The following DLGAP1 variants were observed in gnomAD, a reference collection of about 807,000 sequenced individuals.
DLGAP1 encodes DLG associated protein 1.
In DLGAP1, 11 loss-of-function variants were observed where a neutral mutation model predicts 90.8. The ratio of observed to expected loss-of-function variants is 0.12; its 90% CI spans 0.08 to 0.20. The LOEUF is 0.20. DLGAP1 is among the 10% of genes least tolerant of loss of function. DLGAP1 has a pLI of 1.00. For missense variants in DLGAP1, 1,050 were observed against 1,333.8 expected (o/e 0.79, Z 3.31); for synonymous variants, 558 against 540.7 (o/e 1.03, Z -0.44).
chr18:3,789,410 T>C (rs1292259881), intron 5 of DLGAP1, among the ~76,000 whole-genome samples: 1 of 152,128 alleles, frequency 6.6e-6, no homozygotes, highest in Non-Finnish European at 1.5e-5. Flanking sequence ...GATGTGGAGC[T>C]CAGACGGAAG....
intron 3 of DLGAP1, among the ~76,000 whole-genome samples, chr18:3,951,180 A>G (rs2072978204): frequency 6.6e-6 from 1 of 152,224 alleles, no homozygotes; most frequent in Non-Finnish European, 1.5e-5. Flanking sequence ...TTAAGCATTA[A>G]CATTCTAACC....
intron 7 of DLGAP1, among the ~76,000 whole-genome samples, chr18:3,635,528 T>C (rs1284387796): frequency 6.6e-6 from 1 of 151,470 alleles, no homozygotes; most frequent in Non-Finnish European, 1.5e-5. Context: ...TGTGGTGACC[T>C]CTACTGTGAC....
chr18:4,109,346 A>T (rs753042781), intron 2 of DLGAP1, among the ~76,000 whole-genome samples: 1 of 152,084 alleles, frequency 6.6e-6, no homozygotes, highest in Non-Finnish European at 1.5e-5. Flanking sequence ...TAAGGGAGTG[A>T]TATCTCCTCA....
At chr18:4,017,743 G>A (rs2074545771) in intron 2 of DLGAP1, among the ~76,000 whole-genome samples, 1 of 152,200 alleles carries the variant, frequency 6.6e-6, no homozygotes, top group Admixed American at 6.5e-5. Context: ...TAGTTCATTT[G>A]CATAATACAA....
intron 1 of DLGAP1, among the ~76,000 whole-genome samples, chr18:4,227,681 T>C (rs946814539): frequency 2.0e-5 from 3 of 151,258 alleles, no homozygotes; most frequent in Admixed American, 1.3e-4. Flanking sequence ...ACAAAACCTA[T>C]GGGATACAGC....
chr18:4,391,890 C>T (rs938304670), intron 1 of DLGAP1, among the ~76,000 whole-genome samples: 4 of 152,116 alleles, frequency 2.6e-5, no homozygotes, highest in East Asian at 1.9e-4. Flanking sequence ...GCTTTGATAC[C>T]GTACCCTCTT....
At chr18:4,112,524 T>C (rs1479264499) in intron 2 of DLGAP1, among the ~76,000 whole-genome samples, 1 of 152,184 alleles carries the variant, frequency 6.6e-6, no homozygotes, top group East Asian at 1.9e-4. Context: ...GAAACATTTA[T>C]TATTGTTGAA....
chr18:3,851,776 A>G (rs887186112), intron 4 of DLGAP1, among the ~76,000 whole-genome samples: 2 of 152,190 alleles, frequency 1.3e-5, no homozygotes, highest in African/African-American at 2.4e-5. Context: ...TAAAAGCATA[A>G]CCCAACATTG....
At chr18:3,691,220 G>A (rs572960173) in intron 7 of DLGAP1, among the ~76,000 whole-genome samples, 22 of 152,126 alleles carry the variant, frequency 1.4e-4, no homozygotes, top group African/African-American at 3.6e-4. Context: ...AGGTGGAGGC[G>A]GGTGGATCAC....
rs999223192 is a variant in DLGAP1 at position 3,834,263 on chromosome 18, G to T, written c.958-19990C>A. 5.4e-5 allele frequency among the ~76,000 whole-genome samples: 7 copies of T among 129,762 alleles called. No individual in the cohort carries two copies. In the Admixed American group the frequency reaches 6.5e-4, roughly 12 times the overall value. The allele number at this position is 129,762 out of a possible 152,430, so 85.1% of individuals were successfully genotyped here. On this transcript the variant is annotated intron_variant, in intron 4 of 12. Coordinates refer to ENST00000315677, the MANE Select transcript of DLGAP1 (RefSeq NM_004746.4). ...GGAGCTTGCAGTGAGCCGAGATCGC[G>T]CCACTGCACTCCAGCCTGGGAGATA... is the stretch of plus-strand genomic sequence containing the variant.
intron 1 of DLGAP1, among the ~76,000 whole-genome samples, chr18:4,215,507 G>A (rs1447498958): frequency 6.6e-6 from 1 of 152,074 alleles, no homozygotes; most frequent in Non-Finnish European, 1.5e-5. Flanking sequence ...TGTTTTCACC[G>A]AATAGATCTA....
chr18:4,303,642 C>G (rs2080180923), intron 1 of DLGAP1, among the ~76,000 whole-genome samples: 1 of 152,182 alleles, frequency 6.6e-6, no homozygotes, highest in Admixed American at 6.5e-5. Context: ...GGGACTCCTC[C>G]CTAACTCATC....
At chr18:3,679,431 A>G (rs2060430971) in intron 7 of DLGAP1, among the ~76,000 whole-genome samples, 1 of 151,950 alleles carries the variant, frequency 6.6e-6, no homozygotes, top group African/African-American at 2.4e-5. Context: ...TCTAGCTTGA[A>G]TACACTGAAC....
chr18:3,944,081 C>T (rs1307996599), intron 3 of DLGAP1, among the ~76,000 whole-genome samples: 3 of 152,142 alleles, frequency 2.0e-5, no homozygotes, highest in African/African-American at 4.8e-5. Context: ...TCCAGTCTCT[C>T]GTGCACATTT....
At chr18:3,739,025 A>T (rs1428513825) in intron 6 of DLGAP1, among the ~76,000 whole-genome samples, 2 of 150,302 alleles carry the variant, frequency 1.3e-5, no homozygotes, top group African/African-American at 4.9e-5. Context: ...ACATGAAAAA[A>T]TGCTCATCAT....
intron 6 of DLGAP1, among the ~76,000 whole-genome samples, chr18:3,734,564 C>T (rs1440778913): frequency 6.6e-6 from 1 of 152,110 alleles, no homozygotes; most frequent in Non-Finnish European, 1.5e-5. Context: ...GTTCATTTCT[C>T]AACATGGTCA....
chr18:4,129,261 C>T (rs59393529), intron 2 of DLGAP1, among the ~76,000 whole-genome samples: 1,898 of 127,718 alleles, frequency 0.015, 54 homozygotes, highest in African/African-American at 0.055. Context: ...AGACGGGTAG[C>T]ACCTTTAAAG....
At chr18:3,533,733 C>A (rs563564271) in intron 10 of DLGAP1, among the ~76,000 whole-genome samples, 41 of 152,182 alleles carry the variant, frequency 2.7e-4, no homozygotes, top group South Asian at 2.3e-3. Context: ...CACCACTGCA[C>A]TGGGCTAGTT....
intron 1 of DLGAP1, among the ~76,000 whole-genome samples, chr18:4,168,598 G>A (rs562186439): frequency 2.6e-5 from 4 of 151,902 alleles, no homozygotes; most frequent in South Asian, 4.2e-4. Flanking sequence ...TCTACTTTTC[G>A]TTTCTATTAA....
Sources: allele counts gnomAD v4.1 joint callset (sites outside exome capture counted in the v4.1 genomes callset), GRCh38; gene constraint gnomAD v4.1.1; transcripts MANE v1.5; gene names NCBI Gene and HGNC (gene_info 2026-07-23, HGNC 2026-07-21).